SLX4IP: variants seen among roughly 807,000 people sequenced by gnomAD.
SLX4IP encodes SLX4 interacting protein, also known as protein SLX4IP.
A neutral mutation model predicts 32.9 loss-of-function variants in SLX4IP; 34 were observed. The ratio of observed to expected loss-of-function variants is 1.03; its 90% CI spans 0.79 to 1.38. The LOEUF is 1.38. SLX4IP is among the 40% of genes most tolerant of loss of function. The pLI is 0.00. For synonymous variants in SLX4IP, 172 were observed against 171.7 expected (o/e 1.00, Z -0.01); for missense variants, 444 against 479.0 (o/e 0.93, Z 0.68).
Position 10,613,638 on chromosome 20 carries a change from T to A in SLX4IP, c.406-7676T>A, listed in dbSNP as rs1361054692. 3.7e-6 allele frequency: 6 copies of A among 1,613,976 alleles called. No individual in the cohort carries two copies. The African/African-American group carries it at 5.3e-5, about 14-fold the overall frequency. ...CATTTCTGCTTCTTTGGCCTCTTCCTGAGCCCTCCTTTTCTTTGCATTCAT... is the reference window on the plus strand; with the variant it reads ...CATTTCTGCTTCTTTGGCCTCTTCCAGAGCCCTCCTTTTCTTTGCATTCAT... On this transcript the variant is annotated intron_variant, in intron 6 of 7. Transcript: ENST00000334534.
At chr20:10,447,866 AT>A (rs35397723) in intron 1 of SLX4IP, among the ~76,000 whole-genome samples, 55,551 of 119,508 alleles carry the variant, frequency 0.46, 13,121 homozygotes, top group Non-Finnish European at 0.56. Context: ...CACCTGGCTG[AT>A]TTTTTTTTTT....
chr20:10,503,883 T>G (rs767818658), intron 2 of SLX4IP, among the ~76,000 whole-genome samples: 3 of 152,192 alleles, frequency 2.0e-5, no homozygotes, highest in Non-Finnish European at 4.4e-5. Flanking sequence ...TCTTCTTCTC[T>G]TAGAAGAACA....
chr20:10,606,569 G>A (rs1290062549), intron 6 of SLX4IP, among the ~76,000 whole-genome samples: 1 of 152,050 alleles, frequency 6.6e-6, no homozygotes, highest in Non-Finnish European at 1.5e-5. Context: ...AGTAGAGAGA[G>A]GCTGTTTTCA....
intron 4 of SLX4IP, among the ~76,000 whole-genome samples, chr20:10,565,960 A>G (rs1250233273): frequency 6.6e-6 from 1 of 152,240 alleles, no homozygotes; most frequent in Non-Finnish European, 1.5e-5. Flanking sequence ...ACTACTGCCA[A>G]CAAACCTTAA....
chr20:10,473,994 TG>T (rs1317101768), intron 2 of SLX4IP, among the ~76,000 whole-genome samples: 1 of 152,116 alleles, frequency 6.6e-6, no homozygotes, highest in African/African-American at 2.4e-5. Flanking sequence ...GGCTAATTTT[TG>T]TATTTTTAGT....
intron 2 of SLX4IP, among the ~76,000 whole-genome samples, chr20:10,464,708 C>A (rs2065365706): frequency 6.6e-6 from 1 of 152,134 alleles, no homozygotes; most frequent in Non-Finnish European, 1.5e-5. Flanking sequence ...TCTAAGACTG[C>A]CCTTGGAATG....
chr20:10,575,062 A>G (rs2066510363), intron 4 of SLX4IP, among the ~76,000 whole-genome samples: 1 of 152,088 alleles, frequency 6.6e-6, no homozygotes, highest in Non-Finnish European at 1.5e-5. Context: ...ATTACTACAT[A>G]TTCCAAAGAC....
In SLX4IP at chr20:10,613,563, G is replaced by T. The variant is rs1404072416; in HGVS notation, c.406-7751G>T. 8 of 1,611,854 alleles carry T rather than the reference G, an allele frequency of 5.0e-6. No individual in the cohort carries two copies. The East Asian group carries it at 1.3e-4, about 27-fold the overall frequency. On this transcript the variant is annotated intron_variant, in intron 6 of 7. Transcript: ENST00000334534. The stretch of plus-strand genomic sequence containing the variant: ...CCAATCCTTTTGTCTGCTCTGAATG[G>T]CTGCCTTCAGGCTATCCACGCCTTC...
At chr20:10,513,335 A>T (rs2065826033) in intron 2 of SLX4IP, among the ~76,000 whole-genome samples, 5 of 152,192 alleles carry the variant, frequency 3.3e-5, no homozygotes, top group Admixed American at 3.3e-4. Flanking sequence ...TTTGGTTTGG[A>T]TTCAGGCCTA....
chr20:10,545,439 A>C (rs887282872), intron 2 of SLX4IP, among the ~76,000 whole-genome samples: 1 of 152,148 alleles, frequency 6.6e-6, no homozygotes, highest in Non-Finnish European at 1.5e-5. Flanking sequence ...AAAAGAGTAA[A>C]TGTGTAGCCC....
chr20:10,604,130 T>A (rs1034683622), intron 6 of SLX4IP, among the ~76,000 whole-genome samples: 1 of 152,196 alleles, frequency 6.6e-6, no homozygotes, highest in Non-Finnish European at 1.5e-5. Context: ...TACATGGATA[T>A]TCACCAAAGG....
At chr20:10,575,383 A>G (rs2066513005) in intron 4 of SLX4IP, among the ~76,000 whole-genome samples, 1 of 152,120 alleles carries the variant, frequency 6.6e-6, no homozygotes, top group Admixed American at 6.5e-5. Context: ...GCCACATAGC[A>G]TTGGGTAATA....
intron 4 of SLX4IP, among the ~76,000 whole-genome samples, chr20:10,591,408 G>A (rs376421631): frequency 1.3e-4 from 20 of 152,288 alleles, no homozygotes; most frequent in South Asian, 6.2e-4. Context: ...GAATCTCAGA[G>A]TTGAAATGGA....
At chr20:10,487,829 A>G (rs895080896) in intron 2 of SLX4IP, among the ~76,000 whole-genome samples, 2 of 152,210 alleles carry the variant, frequency 1.3e-5, no homozygotes, top group African/African-American at 2.4e-5. Context: ...GGGCAGGCAT[A>G]TTGCAGAAAT....
chr20:10,494,207 G>A (rs974950180), intron 2 of SLX4IP, among the ~76,000 whole-genome samples: 3 of 151,480 alleles, frequency 2.0e-5, no homozygotes, highest in Admixed American at 1.3e-4. Flanking sequence ...TTAAATGATG[G>A]ATCACCCCTT....
intron 2 of SLX4IP, among the ~76,000 whole-genome samples, chr20:10,467,400 C>G (rs1444639714): frequency 6.6e-6 from 1 of 152,136 alleles, no homozygotes; most frequent in Admixed American, 6.5e-5. Flanking sequence ...GAGTGTGCAA[C>G]CTTTGTCCCG....
intron 2 of SLX4IP, among the ~76,000 whole-genome samples, chr20:10,503,037 C>T (rs1236037665): frequency 6.6e-6 from 1 of 152,188 alleles, no homozygotes; most frequent in Non-Finnish European, 1.5e-5. Context: ...GGTTCCTCCT[C>T]TAGTTGTAGT....
At chr20:10,445,933 C>CTTTTTT (rs749557514) in intron 1 of SLX4IP, among the ~76,000 whole-genome samples, 1 of 60,698 alleles carries the variant, frequency 1.6e-5, no homozygotes, top group African/African-American at 4.6e-5. Context: ...GCTGAGATTG[C>CTTTTTT]TTTTTTTTTT....
chr20:10,495,111 C>T (rs949065126), intron 2 of SLX4IP, among the ~76,000 whole-genome samples: 15 of 151,816 alleles, frequency 9.9e-5, no homozygotes, highest in African/African-American at 3.6e-4. Context: ...TTTTATTCAT[C>T]GATTAAAAAT....
Sources: allele counts gnomAD v4.1 joint callset (sites outside exome capture counted in the v4.1 genomes callset), GRCh38; gene constraint gnomAD v4.1.1; transcripts MANE v1.5; gene names NCBI Gene and HGNC (gene_info 2026-07-23, HGNC 2026-07-21).